Variants in EXOC5 observed in about 807,000 individuals in gnomAD.
EXOC5 encodes the protein SEC10-like 1.
Under a neutral mutation model 90.8 loss-of-function variants are expected in EXOC5, and 17 were observed. The observed-to-expected ratio is 0.19, with a 90% CI of 0.13 to 0.28. EXOC5 has a LOEUF of 0.28. Ranked by LOEUF, EXOC5 falls within the 10% of genes least tolerant of loss-of-function variation. The pLI is 1.00. For missense variants in EXOC5, 569 were observed against 830.6 expected (o/e 0.69, Z 3.87); for synonymous variants, 260 against 270.0 (o/e 0.96, Z 0.36).
At position 57,220,292 on chromosome 14, in the gene EXOC5, A is replaced by G. The variant is rs1215146106; in HGVS notation, c.1406-850T>C. Among the ~76,000 whole-genome samples the G allele has an allele frequency of 2.0e-5, 3 of 152,284 alleles. No homozygotes were observed. In the East Asian group the frequency reaches 5.8e-4, roughly 29 times the overall value. On this transcript the variant is annotated intron_variant, in intron 13 of 17. Coordinates refer to ENST00000621441, the MANE Select transcript of EXOC5 (RefSeq NM_006544.4). ...ATAACAAATGAACTTTACAAGAGAA[A>G]AAAACAAAATCAATACATATGTAGA...
intron 12 of EXOC5, 33 bp from the exon 13 acceptor site, chr14:57,222,449 C>T (rs746726999): frequency 1.0e-5 from 13 of 1,262,274 alleles, no homozygotes; most frequent in Non-Finnish European, 1.4e-5. Flanking sequence ...TATCACTCCT[C>T]AAGTCTACCT....
chr14:57,240,332 A>G (rs1883822727), intron 4 of EXOC5, among the ~76,000 whole-genome samples: 4 of 151,678 alleles, frequency 2.6e-5, no homozygotes, highest in African/African-American at 9.7e-5. Flanking sequence ...TTAAGGCTGG[A>G]GTGCAATGGC....
chr14:57,229,461 C>T lies in EXOC5; in HGVS notation c.1296+273G>A, dbSNP rs113636345. On this transcript the variant is annotated intron_variant, in intron 12 of 17. Transcript: ENST00000621441. Reference sequence around the variant, plus strand: ...TGGTTGCATCTGTACTGAATATGTACTGTCATCATCCCCTAAACACTAAAG... The same window carrying T: ...TGGTTGCATCTGTACTGAATATGTATTGTCATCATCCCCTAAACACTAAAG... 5.0e-4 allele frequency among the ~76,000 whole-genome samples: 76 copies of T among 152,120 alleles called. 1 individual carries two copies. The highest frequency in any genetic ancestry group is 1.8e-3 in the African/African-American group (74 of 41,532).
rs1048635428 is a variant in EXOC5 at position 57,205,883 on chromosome 14, C to T, written c.*2726G>A. 2 of 455,812 alleles carry T rather than the reference C, an allele frequency of 4.4e-6. No individual in the cohort carries two copies. Among genetic ancestry groups the T allele is most frequent in the South Asian group, 3.1e-5 (2 of 64,424 alleles). The allele number at this position is 455,812 out of a possible 1,614,324, so 28.2% of individuals were successfully genotyped here. Reference sequence around the variant, plus strand: ...AACTATGGCAATCCTCAAAATGGGACCAAAAATTGTCCTGGAATGGTCAGG... The same window carrying T: ...AACTATGGCAATCCTCAAAATGGGATCAAAAATTGTCCTGGAATGGTCAGG... On this transcript the variant is annotated 3_prime_UTR_variant, in exon 18 of 18. Coordinates refer to ENST00000621441, the MANE Select transcript of EXOC5 (RefSeq NM_006544.4).
At chr14:57,233,056 TAG>T (rs890308409) in intron 9 of EXOC5, 41 of 192,108 alleles carry the variant, frequency 2.1e-4, no homozygotes, top group African/African-American at 8.2e-4. Flanking sequence ...GTACAAACAA[TAG>T]AGTCAATTCC....
rs747767163 is a variant in EXOC5, at chr14:57,208,675, T to C, written c.2061A>G (p.Ile687Met). The C allele has an allele frequency of 6.2e-7, 1 of 1,612,282 alleles. No homozygotes were observed. Among genetic ancestry groups the C allele is most frequent in the Non-Finnish European group, 8.5e-7 (1 of 1,179,316 alleles). Residue 687 changes from isoleucine (I) to methionine (M), a missense_variant, in exon 18 of 18, where the codon ATA becomes ATG. Ile to Met is a conservative substitution (Grantham distance 10). Around this residue, in one of 9 missense-constraint regions of EXOC5, gnomAD observed 122 missense variants for 180.0 expected, o/e 0.68. Coordinates refer to ENST00000621441, the MANE Select transcript of EXOC5 (RefSeq NM_006544.4). ...CACGAAGTTGTACGAAGGAGTGAAG[T>C]ATATTCTTGTCCAGATTAGCAAGTT... ...GEQLANLDKN[I>M]LHSFVQLRAD...
chr14:57,217,231 A>G (rs1883001988), intron 15 of EXOC5, among the ~76,000 whole-genome samples: 1 of 152,184 alleles, frequency 6.6e-6, no homozygotes, highest in Non-Finnish European at 1.5e-5. Context: ...GAGCTACTAT[A>G]TGATCCAACA....
chr14:57,231,421 T>G (rs966906941), intron 11 of EXOC5, 85 bp downstream of exon 11: 4 of 818,672 alleles, frequency 4.9e-6, no homozygotes, highest in Non-Finnish European at 5.8e-6. Context: ...ATTCTAATGA[T>G]AGTCAACATT....
chr14:57,201,516 A>G lies in EXOC5; in HGVS notation c.*7093T>C, dbSNP rs1395444320. 3 of 145,778 alleles carry G rather than the reference A, an allele frequency of 2.1e-5. No individual in the cohort carries two copies. The highest frequency in any genetic ancestry group is 7.7e-5 in the African/African-American group (3 of 38,822). The allele number at this position is 145,778 out of a possible 1,614,324, so 9.0% of individuals were successfully genotyped here. On this transcript the variant is annotated 3_prime_UTR_variant, in exon 18 of 18. Coordinates refer to ENST00000621441, the MANE Select transcript of EXOC5 (RefSeq NM_006544.4). ...CACGTGTATATACACACACATATGT[A>G]TATATATACACACACACCACACATA...
In EXOC5 at chr14:57,233,902, T is replaced by A; in HGVS notation, c.715-19A>T. On this transcript the variant is annotated intron_variant, in intron 8 of 17. Transcript: ENST00000621441. ...AAGCACCCTAAACAGCAGAGACATT[T>A]TATACAGTGAACATATAATTTCTAC... The A allele has an allele frequency of 1.2e-6, 2 of 1,605,604 alleles. No individual in the cohort carries two copies. The highest frequency in any genetic ancestry group is 1.7e-6 in the Non-Finnish European group (2 of 1,173,064).
intron 1 of EXOC5, 39 bp downstream of exon 1, chr14:57,268,583 C>A: frequency 2.5e-6 from 4 of 1,573,410 alleles, no homozygotes; most frequent in East Asian, 2.4e-5. Flanking sequence ...GCCTGCAAAC[C>A]CCGGGCCTGC....
At chr14:57,232,927 C>T (rs1479031604) in intron 9 of EXOC5, 178 bp from the exon 10 acceptor site, 1 of 483,230 alleles carries the variant, frequency 2.1e-6, no homozygotes, top group Non-Finnish European at 3.6e-6. Flanking sequence ...CAGGTTTTTA[C>T]ATTTTACCAC....
At chr14:57,249,047 C>T (rs1447680224) in intron 1 of EXOC5, among the ~76,000 whole-genome samples, 1 of 152,038 alleles carries the variant, frequency 6.6e-6, no homozygotes, top group Non-Finnish European at 1.5e-5. Flanking sequence ...GAAAACTTGA[C>T]CATCACATGA....
In EXOC5 at chr14:57,200,626, A is replaced by C. The variant is rs1048284203; in HGVS notation, c.*7983T>G. On this transcript the variant is annotated 3_prime_UTR_variant, in exon 18 of 18. Coordinates refer to ENST00000621441, the MANE Select transcript of EXOC5 (RefSeq NM_006544.4). ...CTTATTAAATAGCAATTACAGTAGC[A>C]AGGAGATTGTATAATAGAAAAACAT... 6.6e-6 allele frequency: 1 copy of C among 152,112 alleles called. No homozygotes were observed. Among genetic ancestry groups the C allele is most frequent in the African/African-American group, 2.4e-5 (1 of 41,438 alleles). 9.4% of individuals were successfully genotyped at this position (152,112 alleles called of 1,614,324 possible).
chr14:57,225,062 CAA>C (rs148617687), intron 12 of EXOC5, among the ~76,000 whole-genome samples: 1 of 142,564 alleles, frequency 7.0e-6, no homozygotes. Flanking sequence ...ACTCCGTCTC[CAA>C]AAAAAAAAGG....
At chr14:57,262,824 G>A (rs1308470604) in intron 1 of EXOC5, among the ~76,000 whole-genome samples, 1 of 150,618 alleles carries the variant, frequency 6.6e-6, no homozygotes, top group Non-Finnish European at 1.5e-5. Context: ...CACAGTTAAT[G>A]AATCACCAAC....
chr14:57,219,764 T>C (rs1883073592), intron 13 of EXOC5, among the ~76,000 whole-genome samples: 1 of 152,088 alleles, frequency 6.6e-6, no homozygotes, highest in Non-Finnish European at 1.5e-5. Flanking sequence ...ATTTTCTCAT[T>C]GGTCTTCCTC....
At chr14:57,217,948 TA>T in intron 15 of EXOC5, 33 bp downstream of exon 15, 6 of 1,083,890 alleles carry the variant, frequency 5.5e-6, no homozygotes, top group Admixed American at 1.9e-5. Flanking sequence ...TTTTATAATT[TA>T]AAAAAATGCA....
At chr14:57,232,953 G>A (rs1883529863) in intron 9 of EXOC5, 1 of 436,956 alleles carries the variant, frequency 2.3e-6, no homozygotes, top group Admixed American at 4.3e-5. Context: ...ATATTTACCT[G>A]TAGAGGATCT....
Sources: gnomAD v4.1 joint callset for allele counts (sites outside exome capture counted in the v4.1 genomes callset) on GRCh38, gnomAD v4.1.1 for gene constraint, gnomAD v4.1.1 regional missense constraint, MANE v1.5 for transcripts, NCBI Gene and HGNC (gene_info 2026-07-23, HGNC 2026-07-21) for gene names.